Variants in ZDHHC11 observed in about 807,000 individuals in gnomAD.
ZDHHC11 encodes the protein palmitoyltransferase ZDHHC11.
A neutral mutation model predicts 51.3 loss-of-function variants in ZDHHC11; 44 were observed. The observed-to-expected ratio is 0.86, with a 90% CI of 0.67 to 1.10. The LOEUF is 1.10. Among genes scored for constraint, ZDHHC11 ranks in the 50% least tolerant of loss-of-function variants. The pLI is 0.00. For missense variants in ZDHHC11, 400 were observed against 537.7 expected (o/e 0.74, Z 2.53); for synonymous variants, 163 against 222.0 (o/e 0.73, Z 2.36).
chr5:859,269 C>T (rs564583140), upstream of ZDHHC11, among the ~76,000 whole-genome samples: 10 of 152,210 alleles, frequency 6.6e-5, no homozygotes, highest in East Asian at 1.6e-3. Flanking sequence ...CCTGCTTAGC[C>T]GCCCTCACCT....
chr5:804,752 T>G (rs1307934055), intron 11 of ZDHHC11, among the ~76,000 whole-genome samples: 3 of 151,334 alleles, frequency 2.0e-5, no homozygotes, highest in South Asian at 2.1e-4. Context: ...ATTCTATATG[T>G]GACAAATCTA....
At position 850,790 on chromosome 5, in the gene ZDHHC11, G is replaced by A; in HGVS notation, c.-188C>T. On this transcript the variant is annotated 5_prime_UTR_variant, in exon 1 of 13. Transcript: ENST00000283441. ...AGGGGCTGGGCTGGAGTCGGTGCAG[G>A]GCCCCGCCCAGGGGAATGAACAGAC... is the stretch of plus-strand genomic sequence containing the variant. The A allele has an allele frequency of 5.6e-6, 4 of 708,490 alleles. No homozygotes were observed. The highest frequency in any genetic ancestry group is 4.0e-4 in the Middle Eastern group (1 of 2,506). 43.9% of individuals were successfully genotyped at this position (708,490 alleles called of 1,614,324 possible).
intron 7 of ZDHHC11, among the ~76,000 whole-genome samples, chr5:827,633 A>C (rs1488454166): frequency 7.9e-5 from 12 of 151,508 alleles, no homozygotes; most frequent in Admixed American, 7.9e-4. Flanking sequence ...AGAAAGACAA[A>C]GAGCAACATT....
rs1219848991 is a variant in ZDHHC11 at position 806,145 on chromosome 5, C to G, written c.1182-4981G>C. 3.3e-5 allele frequency among the ~76,000 whole-genome samples: 5 copies of G among 151,158 alleles called. No individual in the cohort carries two copies. The East Asian group carries it at 9.7e-4, about 29-fold the overall frequency. On this transcript the variant is annotated intron_variant, in intron 11 of 12. Transcript: ENST00000283441. Reference sequence around the variant, plus strand: ...TGGGAGAGAGGGAGTACTTACTTCTCAGAACTTATTAAGCTATGGGAAGTA... The same window carrying G: ...TGGGAGAGAGGGAGTACTTACTTCTGAGAACTTATTAAGCTATGGGAAGTA...
chr5:799,117 G>A (rs1196752126), intron 12 of ZDHHC11, among the ~76,000 whole-genome samples: 1 of 152,100 alleles, frequency 6.6e-6, no homozygotes, highest in African/African-American at 2.4e-5. Flanking sequence ...GGGCCTCATA[G>A]GACGTGTTTG....
At position 842,143 on chromosome 5, in the gene ZDHHC11, C is replaced by T. The variant is rs140568545; in HGVS notation, c.628+1457G>A. ...TCAGGCCACAATCAATGAATTCACA[C>T]GGAGACACTGGCACTGCCCTGTGGA... On this transcript the variant is annotated intron_variant, in intron 4 of 12. Coordinates refer to ENST00000283441, the MANE Select transcript of ZDHHC11 (RefSeq NM_024786.3). 8.0e-4 allele frequency: 790 copies of T among 986,184 alleles called. No individual in the cohort carries two copies. In the Admixed American group the frequency reaches 0.043, roughly 54 times the overall value. The allele number at this position is 986,184 out of a possible 1,614,324, so 61.1% of individuals were successfully genotyped here. A position where few individuals can be genotyped will look rare whatever the true frequency, so the allele number is the denominator to read the frequency against.
At chr5:816,313 A>G (rs1225014437) in intron 10 of ZDHHC11, 11 of 316,296 alleles carry the variant, frequency 3.5e-5, no homozygotes, top group African/African-American at 2.4e-4. Context: ...GATCACAAAG[A>G]TATTCTCTGG....
At chr5:858,752 T>A (rs1250703621) in intron 1 of ZDHHC11, among the ~76,000 whole-genome samples, 3 of 151,852 alleles carry the variant, frequency 2.0e-5, no homozygotes, top group African/African-American at 7.3e-5. Flanking sequence ...ATAAGACAAA[T>A]CCTCACAGCC....
At chr5:850,234 C>G in intron 1 of ZDHHC11, 147 bp downstream of exon 1, 1 of 916,208 alleles carries the variant, frequency 1.1e-6, no homozygotes, top group South Asian at 1.6e-5. Flanking sequence ...GCCACTGGGC[C>G]CACCTGCAGG....
At chr5:836,672 G>A (rs1039813153) in intron 6 of ZDHHC11, among the ~76,000 whole-genome samples, 6 of 149,582 alleles carry the variant, frequency 4.0e-5, no homozygotes, top group Admixed American at 4.0e-4. Flanking sequence ...TCTCTTGGCT[G>A]TTCTATGTCT....
chr5:855,449 CA>C, upstream of ZDHHC11, among the ~76,000 whole-genome samples: 1 of 122,908 alleles, frequency 8.1e-6, no homozygotes, highest in African/African-American at 3.2e-5. Flanking sequence ...AGCCAGGGGG[CA>C]CAGACCCCAC....
chr5:813,860 A>T (rs982197223), intron 11 of ZDHHC11, among the ~76,000 whole-genome samples: 9 of 141,904 alleles, frequency 6.3e-5, no homozygotes, highest in Non-Finnish European at 1.2e-4. Flanking sequence ...AGTGTGAGAG[A>T]GTGTGACTGT....
Position 850,658 on chromosome 5 carries a change from C to T in ZDHHC11, c.-56G>A, listed in dbSNP as rs576240494. 104 of 1,593,384 alleles carry T rather than the reference C, an allele frequency of 6.5e-5. No homozygotes were observed. The East Asian group carries it at 8.7e-4, about 13-fold the overall frequency. ...CGTCAGATCCTGGGAGGGCCGGCCC[C>T]GCCCACTGTCACAGAGACCAAGGGG... On this transcript the variant is annotated 5_prime_UTR_variant, in exon 1 of 13. Coordinates refer to ENST00000283441, the MANE Select transcript of ZDHHC11 (RefSeq NM_024786.3).
chr5:797,632 T>A (rs1847008), intron 12 of ZDHHC11, among the ~76,000 whole-genome samples: 145,215 of 151,200 alleles, frequency 0.96, 69,963 homozygotes, highest in African/African-American at 0.99. Flanking sequence ...TGTTTTTCCA[T>A]ATCTGCTTTG....
At chr5:854,699 C>T (rs191971153), upstream of ZDHHC11, among the ~76,000 whole-genome samples, 867 of 148,784 alleles carry the variant, frequency 5.8e-3, 8 homozygotes, top group Middle Eastern at 0.015. Flanking sequence ...GACAGCAAGC[C>T]GGGGGGACAG....
chr5:823,995 A>G (rs1383499431), intron 8 of ZDHHC11: 4 of 450,498 alleles, frequency 8.9e-6, no homozygotes, highest in Admixed American at 2.4e-5. Context: ...AGGCTTGGAC[A>G]CCAGCGTCGC....
At chr5:813,441 C>T (rs1318700273) in intron 11 of ZDHHC11, among the ~76,000 whole-genome samples, 2 of 142,992 alleles carry the variant, frequency 1.4e-5, no homozygotes, top group Non-Finnish European at 3.0e-5. Flanking sequence ...GGGAGGCATG[C>T]GGTGACCTCA....
Position 820,668 on chromosome 5 carries a change from G to A in ZDHHC11, c.1059-1056C>T, listed in dbSNP as rs915330846. Among the ~76,000 whole-genome samples the A allele has an allele frequency of 4.0e-5, 6 of 151,276 alleles. 1 individual carries two copies. Among genetic ancestry groups the A allele is most frequent in the Non-Finnish European group, 8.9e-5 (6 of 67,632 alleles). ...TGCCTCTCTGTGGGGGCTGTGATGTGGTCCCCTCCCAATGGAAAGTGTGTA... is the reference window on the plus strand; with the variant it reads ...TGCCTCTCTGTGGGGGCTGTGATGTAGTCCCCTCCCAATGGAAAGTGTGTA... On this transcript the variant is annotated intron_variant, in intron 9 of 12. Transcript: ENST00000283441.
chr5:821,430 C>A (rs1561252432), intron 9 of ZDHHC11: 1 of 159,178 alleles, frequency 6.3e-6, no homozygotes, highest in African/African-American at 2.4e-5. Context: ...ATATTCAGGA[C>A]TGCTTCTTTG....
Sources: gnomAD v4.1 joint callset for allele counts (sites outside exome capture counted in the v4.1 genomes callset) on GRCh38, gnomAD v4.1.1 for gene constraint, MANE v1.5 for transcripts, NCBI Gene and HGNC (gene_info 2026-07-23, HGNC 2026-07-21) for gene names.